FILIP1: variants seen among roughly 807,000 people sequenced by gnomAD.
The protein encoded by FILIP1 is filamin A interacting protein 1, also known as filamin-A-interacting protein 1.
Under a neutral mutation model 102.1 loss-of-function variants are expected in FILIP1, and 61 were observed. The observed-to-expected ratio is 0.60, with a 90% CI of 0.49 to 0.74. FILIP1 has a LOEUF of 0.74. FILIP1 is among the 30% of genes least tolerant of loss of function. The pLI is 0.00. For synonymous variants in FILIP1, 491 were observed against 526.9 expected, an observed-to-expected ratio of 0.93 and a Z score of 0.93; for missense variants, 1,314 against 1,441.2, an observed-to-expected ratio of 0.91 and a Z score of 1.43.
At chr6:75,343,900 G>T (rs796814298) in intron 4 of FILIP1, among the ~76,000 whole-genome samples, 17 of 152,326 alleles carry the variant, frequency 1.1e-4, no homozygotes, top group African/African-American at 4.1e-4. Flanking sequence ...ACCCAGATTA[G>T]TTAAGATGAT....
At position 75,312,401 on chromosome 6, in the gene FILIP1, G is replaced by T; in HGVS notation, c.3431C>A (p.Ser1144Ter). 3 of 1,612,820 alleles carry T rather than the reference G, an allele frequency of 1.9e-6. No individual in the cohort carries two copies. The South Asian group carries it at 3.3e-5, about 18-fold the overall frequency. The change falls in exon 5 of 6, where the codon TCA (serine) becomes TAA (stop). Residue 1144 changes from serine to a stop codon, truncating the protein, a stop_gained. Transcript: ENST00000237172. LOFTEE classifies it high-confidence loss of function. Reference protein sequence around the residue: ...VTTSSARGTQSVSGQDGSSQR... With the variant: ...VTTSSARGTQ ...TTTGGAGCCTCTTCTACTCACCACTGACTGGGTTCCTCGAGCAGATGACGT... is the reference window on the plus strand; with the variant it reads ...TTTGGAGCCTCTTCTACTCACCACTTACTGGGTTCCTCGAGCAGATGACGT...
intron 2 of FILIP1, among the ~76,000 whole-genome samples, chr6:75,373,126 GTACCA>G (rs1775629737): frequency 6.6e-6 from 1 of 152,200 alleles, no homozygotes; most frequent in Admixed American, 6.5e-5. Flanking sequence ...ATTTTGACAT[GTACCA>G]TAAGATTGGT....
chr6:75,438,818 T>C (rs1047098130), intron 1 of FILIP1, among the ~76,000 whole-genome samples: 3 of 152,206 alleles, frequency 2.0e-5, no homozygotes, highest in Non-Finnish European at 4.4e-5. Flanking sequence ...AACTAGAATG[T>C]TGCTTCTACT....
intron 1 of FILIP1, among the ~76,000 whole-genome samples, chr6:75,446,579 T>A (rs1018355301): frequency 1.3e-5 from 2 of 152,158 alleles, no homozygotes; most frequent in African/African-American, 4.8e-5. Context: ...AAACATTTCG[T>A]TTACCTGGGT....
intron 2 of FILIP1, chr6:75,398,982 C>T (rs909581018): frequency 5.9e-5 from 9 of 152,188 alleles, no homozygotes; most frequent in African/African-American, 2.2e-4. Flanking sequence ...CACTGCACTT[C>T]CTCCTCATGC....
intron 6 of FILIP1, among the ~76,000 whole-genome samples, chr6:75,299,790 C>G (rs916218039): frequency 6.6e-6 from 1 of 152,148 alleles, no homozygotes; most frequent in Non-Finnish European, 1.5e-5. Context: ...AAAGGAAGTT[C>G]AACATATTGT....
chr6:75,452,623 T>C (rs1375206680), intron 1 of FILIP1, among the ~76,000 whole-genome samples: 1 of 152,182 alleles, frequency 6.6e-6, no homozygotes. Context: ...TAAGTTATGG[T>C]TTATTCACGT....
chr6:75,449,914 A>G (rs1254000246), intron 1 of FILIP1, among the ~76,000 whole-genome samples: 1 of 152,098 alleles, frequency 6.6e-6, no homozygotes. Context: ...CTATGTTGAT[A>G]TATCTGATTA....
chr6:75,377,474 C>T (rs9447472), intron 2 of FILIP1, among the ~76,000 whole-genome samples: 1,873 of 152,236 alleles, frequency 0.012, 45 homozygotes, highest in African/African-American at 0.042. Context: ...TTAAGAGATA[C>T]GTGATGCTCT....
chr6:75,309,982 T>C (rs1394166089), intron 5 of FILIP1, among the ~76,000 whole-genome samples: 2 of 152,244 alleles, frequency 1.3e-5, no homozygotes, highest in Non-Finnish European at 2.9e-5. Flanking sequence ...ATCATCACCC[T>C]TTCAGTGGCT....
downstream of FILIP1, among the ~76,000 whole-genome samples, chr6:75,305,031 A>G (rs888032252): frequency 1.3e-5 from 2 of 152,222 alleles, no homozygotes; most frequent in African/African-American, 4.8e-5. Flanking sequence ...TTTTGCTAAA[A>G]TGAGAGAGGT....
intron 2 of FILIP1, among the ~76,000 whole-genome samples, chr6:75,401,851 T>TAC: frequency 6.6e-6 from 1 of 152,304 alleles, no homozygotes; most frequent in Non-Finnish European, 1.5e-5. Context: ...AAACTAATTT[T>TAC]ACTTGAAAAT....
chr6:75,442,607 A>G (rs1014554382), intron 1 of FILIP1, among the ~76,000 whole-genome samples: 23 of 152,286 alleles, frequency 1.5e-4, no homozygotes, highest in African/African-American at 5.5e-4. Flanking sequence ...TACGAAAACC[A>G]GTCAGGTGTG....
At chr6:75,367,661 A>G (rs1282985065) in intron 2 of FILIP1, 2 of 152,162 alleles carry the variant, frequency 1.3e-5, no homozygotes, top group East Asian at 3.8e-4. Flanking sequence ...AATAATAGAG[A>G]TAATAATAAA....
Position 75,354,038 on chromosome 6 carries a change from T to C in FILIP1, c.451-321A>G, listed in dbSNP as rs148787540. Among the ~76,000 whole-genome samples, 1,041 of 152,340 alleles carry C rather than the reference T, an allele frequency of 6.8e-3. 8 individuals carry two copies. Among genetic ancestry groups the C allele is most frequent in the Middle Eastern group, 0.02 (6 of 294 alleles). ...ACTGTTGATGACCATTTTGGTAGTTTCCAGCTTGGGTCTATTACAAATAAT... is the reference window on the plus strand; with the variant it reads ...ACTGTTGATGACCATTTTGGTAGTTCCCAGCTTGGGTCTATTACAAATAAT... On this transcript the variant is annotated intron_variant, in intron 3 of 5. Coordinates refer to ENST00000237172, the MANE Select transcript of FILIP1 (RefSeq NM_015687.5).
intron 2 of FILIP1, among the ~76,000 whole-genome samples, chr6:75,383,361 G>C (rs981692321): frequency 1.3e-5 from 2 of 152,090 alleles, no homozygotes; most frequent in African/African-American, 4.8e-5. Flanking sequence ...GTTATTTATG[G>C]TCTCTTCTAC....
At chr6:75,417,715 G>A (rs1777316344) in intron 1 of FILIP1, among the ~76,000 whole-genome samples, 1 of 152,154 alleles carries the variant, frequency 6.6e-6, no homozygotes, top group Non-Finnish European at 1.5e-5. Context: ...AAGCTACTGA[G>A]GTTTAAATAA....
intron 4 of FILIP1, among the ~76,000 whole-genome samples, chr6:75,316,599 A>G (rs1320437308): frequency 6.6e-6 from 1 of 152,182 alleles, no homozygotes; most frequent in South Asian, 2.1e-4. Context: ...ACAGTGTGAG[A>G]TAAGTATTAC....
At chr6:75,370,622 G>A (rs1233660984) in intron 2 of FILIP1, among the ~76,000 whole-genome samples, 4 of 141,410 alleles carry the variant, frequency 2.8e-5, no homozygotes, top group Non-Finnish European at 6.0e-5. Context: ...TGTCGCCCAG[G>A]CTGGAATGCA....
Sources: allele counts gnomAD v4.1 joint callset (sites outside exome capture counted in the v4.1 genomes callset), GRCh38; gene constraint gnomAD v4.1.1; transcripts MANE v1.5; gene names NCBI Gene and HGNC (gene_info 2026-07-23, HGNC 2026-07-21).